R3HDM1: variants seen among roughly 807,000 people sequenced by gnomAD.
R3HDM1 encodes the protein R3H domain-containing protein 1.
In R3HDM1, 46 loss-of-function variants were observed where a neutral mutation model predicts 141.1. The observed-to-expected ratio is 0.33, with a 90% CI of 0.26 to 0.42. The LOEUF (loss-of-function observed/expected upper bound fraction) is 0.42, where lower values mean the gene tolerates loss of function less well. Among genes scored for constraint, R3HDM1 ranks in the 10% least tolerant of loss-of-function variants. R3HDM1 has a pLI of 1.00. For synonymous variants in R3HDM1, 435 were observed against 472.9 expected, an observed-to-expected ratio of 0.92 and a Z score of 1.04; for missense variants, 1,184 against 1,368.3, an observed-to-expected ratio of 0.87 and a Z score of 2.12.
chr2:135,670,191 A>T (rs932808259), intron 19 of R3HDM1: 3 of 369,064 alleles, frequency 8.1e-6, no homozygotes, highest in Non-Finnish European at 7.5e-6. Context: ...GGTATCATTG[A>T]AGCAAAGATA....
chr2:135,553,843 A>C (rs1700250582), intron 1 of R3HDM1, among the ~76,000 whole-genome samples: 1 of 152,210 alleles, frequency 6.6e-6, no homozygotes, highest in African/African-American at 2.4e-5. Flanking sequence ...GGCGTGAGCC[A>C]CCACACCCGG....
At chr2:135,598,764 ATTAGTATT>A (rs1333628176) in intron 1 of R3HDM1, among the ~76,000 whole-genome samples, 2 of 152,144 alleles carry the variant, frequency 1.3e-5, no homozygotes, top group Non-Finnish European at 2.9e-5. Context: ...AAATATATGT[ATTAGTATT>A]TGGTTTTGAT....
intron 20 of R3HDM1, among the ~76,000 whole-genome samples, chr2:135,679,519 G>A (rs1350161751): frequency 4.6e-5 from 7 of 152,286 alleles, no homozygotes; most frequent in South Asian, 4.1e-4. Flanking sequence ...GACCCACTGC[G>A]TCTCACTGCC....
chr2:135,618,751 G>A (rs2061289659), intron 5 of R3HDM1, among the ~76,000 whole-genome samples: 1 of 152,118 alleles, frequency 6.6e-6, no homozygotes, highest in Admixed American at 6.5e-5. Flanking sequence ...AGGGACAGTG[G>A]CTCGCGCCTG....
At chr2:135,546,298 G>A (rs1459752166) in intron 1 of R3HDM1, among the ~76,000 whole-genome samples, 1 of 152,094 alleles carries the variant, frequency 6.6e-6, no homozygotes, top group Non-Finnish European at 1.5e-5. Flanking sequence ...AGACACAAGT[G>A]AGATGTTATC....
rs138367352 is a variant in R3HDM1, at chr2:135,574,758, C to T, written c.-249-27742C>T. ...GTGCTGAAGGAGCCTTCAACAAGACCACCCATTTTGTGATATTTCTCTCCC... is the reference window on the plus strand; with the variant it reads ...GTGCTGAAGGAGCCTTCAACAAGACTACCCATTTTGTGATATTTCTCTCCC... On this transcript the variant is annotated intron_variant, in intron 1 of 26. Transcript: ENST00000683871. 1.1e-3 allele frequency among the ~76,000 whole-genome samples: 174 copies of T among 152,186 alleles called. 2 individuals are homozygous for T. The highest frequency in any genetic ancestry group is 4.1e-3 in the African/African-American group (172 of 41,520).
intron 21 of R3HDM1, among the ~76,000 whole-genome samples, chr2:135,683,964 A>ACATG (rs1275725146): frequency 1.3e-5 from 2 of 151,428 alleles, no homozygotes; most frequent in African/African-American, 4.9e-5. Context: ...ATACATACAT[A>ACATG]CATACATACA....
intron 20 of R3HDM1, among the ~76,000 whole-genome samples, chr2:135,676,012 A>G (rs2069122866): frequency 6.6e-6 from 1 of 152,166 alleles, no homozygotes; most frequent in South Asian, 2.1e-4. Context: ...AAGCGATGAT[A>G]TGTCTCATAT....
intron 20 of R3HDM1, among the ~76,000 whole-genome samples, chr2:135,676,275 C>G (rs1225068560): frequency 1.4e-5 from 2 of 146,296 alleles, no homozygotes; most frequent in African/African-American, 5.0e-5. Flanking sequence ...CAGTGAGTCA[C>G]CACTGCACTC....
chr2:135,618,132 A>G (rs1334666307), intron 5 of R3HDM1, among the ~76,000 whole-genome samples: 4 of 151,998 alleles, frequency 2.6e-5, no homozygotes, highest in African/African-American at 9.7e-5. Context: ...ATTTCTTTGC[A>G]TCAGAAACAT....
intron 24 of R3HDM1, among the ~76,000 whole-genome samples, chr2:135,720,791 G>A (rs2076626647): frequency 6.6e-6 from 1 of 152,186 alleles, no homozygotes; most frequent in Admixed American, 6.5e-5. Flanking sequence ...ATATGTAAAT[G>A]TGTACATGCA....
At chr2:135,659,369 A>T (rs2066392411) in intron 18 of R3HDM1, among the ~76,000 whole-genome samples, 1 of 151,808 alleles carries the variant, frequency 6.6e-6, no homozygotes, top group South Asian at 2.1e-4. Flanking sequence ...GAGTGCTAGG[A>T]TCACAGGTGT....
At chr2:135,551,486 GA>G (rs57078486) in intron 1 of R3HDM1, among the ~76,000 whole-genome samples, 243 of 148,622 alleles carry the variant, frequency 1.6e-3, no homozygotes, top group Non-Finnish European at 2.4e-3. Context: ...AAACAATAAT[GA>G]AAAAAAAACA....
At chr2:135,549,599 C>T (rs1028308198) in intron 1 of R3HDM1, among the ~76,000 whole-genome samples, 1 of 146,194 alleles carries the variant, frequency 6.8e-6, no homozygotes, top group Non-Finnish European at 1.5e-5. Context: ...AAAATGGGGT[C>T]TTGCTATATT....
chr2:135,653,648 T>C (rs2065411605), intron 18 of R3HDM1, among the ~76,000 whole-genome samples: 1 of 152,186 alleles, frequency 6.6e-6, no homozygotes, highest in Non-Finnish European at 1.5e-5. Flanking sequence ...CCTTTTGTTA[T>C]TGATTTCTGT....
chr2:135,611,188 G>A lies in R3HDM1; in HGVS notation c.172-4964G>A, dbSNP rs144377666. ...TGTAATCCCAGCACGTTGGGAGGCCGAGGCAAGCAGAATGCTTGAGTCCAG... is the reference window on the plus strand; with the variant it reads ...TGTAATCCCAGCACGTTGGGAGGCCAAGGCAAGCAGAATGCTTGAGTCCAG... On this transcript the variant is annotated intron_variant, in intron 3 of 26. Coordinates refer to ENST00000683871, the MANE Select transcript of R3HDM1 (RefSeq NM_001378107.1). 4.7e-3 allele frequency among the ~76,000 whole-genome samples: 715 copies of A among 151,878 alleles called. 4 individuals are homozygous for A. The highest frequency in any genetic ancestry group is 0.016 in the African/African-American group (655 of 41,406).
At chr2:135,579,189 A>G (rs1190381023) in intron 1 of R3HDM1, among the ~76,000 whole-genome samples, 1 of 152,242 alleles carries the variant, frequency 6.6e-6, no homozygotes, top group Non-Finnish European at 1.5e-5. Flanking sequence ...ACGTGGCGCC[A>G]GAAAGTAATT....
chr2:135,683,953 AATAC>A (rs3074523), intron 21 of R3HDM1, among the ~76,000 whole-genome samples: 2,429 of 147,936 alleles, frequency 0.016, 48 homozygotes, highest in African/African-American at 0.047. Flanking sequence ...CTGTCTCATA[AATAC>A]ATACATACAT....
At chr2:135,658,991 C>T (rs1181978503) in intron 18 of R3HDM1, among the ~76,000 whole-genome samples, 2 of 151,672 alleles carry the variant, frequency 1.3e-5, no homozygotes, top group African/African-American at 2.4e-5. Flanking sequence ...GTGGAGCTGT[C>T]ATCTCCTATG....
Sources: gnomAD v4.1 joint callset for allele counts (sites outside exome capture counted in the v4.1 genomes callset) on GRCh38, gnomAD v4.1.1 for gene constraint, MANE v1.5 for transcripts, NCBI Gene and HGNC (gene_info 2026-07-23, HGNC 2026-07-21) for gene names.